Variants in TFAP2C observed in about 807,000 individuals in gnomAD.
TFAP2C encodes transcription factor AP-2 gamma.
Under a neutral mutation model 42.9 loss-of-function variants are expected in TFAP2C, and 9 were observed. That is an observed-to-expected ratio of 0.21 (90% CI 0.13 to 0.37). The LOEUF (loss-of-function observed/expected upper bound fraction) is 0.37. Among genes scored for constraint, TFAP2C ranks in the 10% least tolerant of loss-of-function variants. The pLI is 1.00. For missense variants in TFAP2C, 462 were observed against 591.7 expected (o/e 0.78, Z 2.27); for synonymous variants, 264 against 256.0 (o/e 1.03, Z -0.30).
At position 56,631,821 on chromosome 20, in the gene TFAP2C, A is replaced by C. The variant is rs771333191; in HGVS notation, c.551A>C (p.His184Pro). 3 of 1,614,192 alleles carry C rather than the reference A, an allele frequency of 1.9e-6. No individual in the cohort carries two copies. The highest frequency in any genetic ancestry group is 1.7e-6 in the Non-Finnish European group (2 of 1,180,034). Residue 184 changes from histidine (H) to proline (P), a missense_variant, in exon 3 of 7, where the codon CAC (histidine) becomes CCC (proline). His to Pro is a moderately conservative substitution (Grantham distance 77). Around this residue, in one of 5 missense-constraint regions of TFAP2C, gnomAD observed 271 missense variants for 269.7 expected, o/e 1.00. Coordinates refer to ENST00000201031, the MANE Select transcript of TFAP2C (RefSeq NM_003222.4). The surrounding 1 kb of genome is among the most constrained non-coding windows in gnomAD (Gnocchi z 6.1). ...CTCCCCCAGAATGTCGACGACCAGCACCTGTTGCTGCACGATCAGACAGTC... is the reference window on the plus strand; with the variant it reads ...CTCCCCCAGAATGTCGACGACCAGCCCCTGTTGCTGCACGATCAGACAGTC... ...MDEVQNVDDQHLLLHDQTVIR... is the reference protein window; with the variant it reads ...MDEVQNVDDQPLLLHDQTVIR...
rs1410818529 is a variant in TFAP2C, at chr20:56,631,579, T to G, written c.423T>G (p.Asp141Glu). 1.3e-6 allele frequency: 2 copies of G among 1,538,992 alleles called. No homozygotes were observed. Among genetic ancestry groups the G allele is most frequent in the African/African-American group, 2.8e-5 (2 of 72,276 alleles). ...CGGGCGCGGTGAGCGCCCGCAGGGA[T>G]GCCTACCGCCGCTCCGACCTGCTGC... ...LEAGAVSARR[D>E]AYRRSDLLLP... Residue 141 changes from aspartate to glutamate, a missense_variant, in exon 2 of 7, where the codon GAT becomes GAG. Transcript: ENST00000201031. The surrounding 1 kb of genome is among the most constrained non-coding windows in gnomAD (Gnocchi z 6.1).
Position 56,629,498 on chromosome 20 carries a change from G to A in TFAP2C, c.-47G>A, listed in dbSNP as rs756154538. 1.3e-5 allele frequency: 18 copies of A among 1,384,106 alleles called. No homozygotes were observed. In the East Asian group the frequency reaches 4.4e-4, roughly 34 times the overall value. 85.7% of individuals were successfully genotyped at this position (1,384,106 alleles called of 1,614,324 possible). A position where few individuals can be genotyped will look rare whatever the true frequency, so the allele number is the denominator to read the frequency against. ...TTGGATTTACCGCTTGGGGGCTGGG[G>A]GGATCCTGGATTTAACTGGCGACTG... On this transcript the variant is annotated 5_prime_UTR_variant, in exon 1 of 7. Coordinates refer to ENST00000201031, the MANE Select transcript of TFAP2C (RefSeq NM_003222.4). This position sits in a 1 kb window ranked among gnomAD's most constrained non-coding sequence, Gnocchi z 5.9.
chr20:56,635,917 T>TA (rs1987574794), intron 5 of TFAP2C, among the ~76,000 whole-genome samples: 1 of 152,226 alleles, frequency 6.6e-6, no homozygotes, highest in South Asian at 2.1e-4. Context: ...AAATAGTTGT[T>TA]ACATTGTATT....
rs1344415262 is a variant in TFAP2C at position 56,638,108 on chromosome 20, G to A, written c.*95G>A. ...GACTGGGAACCCCTCCTGGCCTGGG[G>A]GAAGAGTTTGTTACCTACCTTACTA... On this transcript the variant is annotated 3_prime_UTR_variant, in exon 7 of 7. Transcript: ENST00000201031. The A allele has an allele frequency of 8.6e-7, 1 of 1,167,488 alleles. No homozygotes were observed. The highest frequency in any genetic ancestry group is 1.6e-5 in the South Asian group (1 of 63,002). 72.3% of individuals were successfully genotyped at this position (1,167,488 alleles called of 1,614,324 possible). A position where few individuals can be genotyped will look rare whatever the true frequency, so the allele number is the denominator to read the frequency against.
Position 56,631,621 on chromosome 20 carries a change from C to A in TFAP2C, c.465C>A (p.Ala155=). Residue 155 remains alanine, a synonymous_variant, in exon 2 of 7, where the codon GCC becomes GCA. Coordinates refer to ENST00000201031, the MANE Select transcript of TFAP2C (RefSeq NM_003222.4). The surrounding 1 kb of genome is among the most constrained non-coding windows in gnomAD (Gnocchi z 6.1). ...ACCTGCTGCTGCCCCACGCACACGC[C>A]CTGGATGCCGCGGGCCTGGCCGAGA... The part of the protein sequence containing the change: ...RSDLLLPHAH[A]LDAAGLAENL... 1 of 1,573,538 alleles carries A rather than the reference C, an allele frequency of 6.4e-7. No individual in the cohort carries two copies. The highest frequency in any genetic ancestry group is 1.2e-5 in the South Asian group (1 of 86,712).
chr20:56,630,303 C>A lies in TFAP2C; in HGVS notation c.48+711C>A. The stretch of plus-strand genomic sequence containing the variant: ...GCGGGAGTTCACTGCGCCTCCGGGC[C>A]CTGGAGGGCTGCCCCTGCCCGCAGG... On this transcript the variant is annotated intron_variant, in intron 1 of 6. Transcript: ENST00000201031. This position sits in a 1 kb window ranked among gnomAD's most constrained non-coding sequence, Gnocchi z 5.1. 1 of 386,538 alleles carries A rather than the reference C, an allele frequency of 2.6e-6. No individual in the cohort carries two copies. The highest frequency in any genetic ancestry group is 5.3e-6 in the Non-Finnish European group (1 of 188,736). 23.9% of individuals were successfully genotyped at this position (386,538 alleles called of 1,614,324 possible). A position where few individuals can be genotyped will look rare whatever the true frequency, so the allele number is the denominator to read the frequency against.
Position 56,630,840 on chromosome 20 carries a change from C to A in TFAP2C, c.49-365C>A. On this transcript the variant is annotated intron_variant, in intron 1 of 6. Coordinates refer to ENST00000201031, the MANE Select transcript of TFAP2C (RefSeq NM_003222.4). The surrounding 1 kb of genome is among the most constrained non-coding windows in gnomAD (Gnocchi z 5.1). Reference sequence around the variant, plus strand: ...CTGCACCGGGCGTCCGGCTCCTTCGCCCCGGGCTCTGGCTCCTTCGCCCCG... The same window carrying A: ...CTGCACCGGGCGTCCGGCTCCTTCGACCCGGGCTCTGGCTCCTTCGCCCCG... 1 of 984,196 alleles carries A rather than the reference C, an allele frequency of 1.0e-6. No homozygotes were observed. The highest frequency in any genetic ancestry group is 1.2e-6 in the Non-Finnish European group (1 of 829,524). The allele number at this position is 984,196 out of a possible 1,614,324, so 61.0% of individuals were successfully genotyped here.
rs748910870 is a variant in TFAP2C at position 56,631,906 on chromosome 20, G to T, written c.586+50G>T. 1.9e-6 allele frequency: 3 copies of T among 1,608,786 alleles called. No individual in the cohort carries two copies. The highest frequency in any genetic ancestry group is 2.6e-6 in the Non-Finnish European group (3 of 1,175,290). ...AACTCTGGTCACACGATCTGGGCTT[G>T]TGAAGTTGACTGGCAAGGTTGGGGG... On this transcript the variant is annotated intron_variant, in intron 3 of 6. Coordinates refer to ENST00000201031, the MANE Select transcript of TFAP2C (RefSeq NM_003222.4). This position sits in a 1 kb window ranked among gnomAD's most constrained non-coding sequence, Gnocchi z 6.1.
rs758643291 is a variant in TFAP2C, at chr20:56,631,390, T to C, written c.234T>C (p.His78=). Residue 78 remains histidine, a synonymous_variant, in exon 2 of 7, where the codon CAT becomes CAC. Transcript: ENST00000201031. The surrounding 1 kb of genome is among the most constrained non-coding windows in gnomAD (Gnocchi z 6.1). ...AYSQSADPYS[H]LGEAYAAAIN... ...CCCAGTCGGCCGACCCCTACTCGCA[T>C]CTGGGGGAAGCGTACGCCGCCGCCA... is the stretch of plus-strand genomic sequence containing the variant. 1 of 1,610,386 alleles carries C rather than the reference T, an allele frequency of 6.2e-7. No homozygotes were observed. The highest frequency in any genetic ancestry group is 1.1e-5 in the South Asian group (1 of 90,372).
In TFAP2C at chr20:56,630,294, C is replaced by T; in HGVS notation, c.48+702C>T. On this transcript the variant is annotated intron_variant, in intron 1 of 6. Transcript: ENST00000201031. This position sits in a 1 kb window ranked among gnomAD's most constrained non-coding sequence, Gnocchi z 5.1. ...TACGGACTCGCGGGAGTTCACTGCG[C>T]CTCCGGGCCCTGGAGGGCTGCCCCT... is the stretch of plus-strand genomic sequence containing the variant. The T allele has an allele frequency of 2.7e-6, 1 of 364,074 alleles. No homozygotes were observed. The allele number at this position is 364,074 out of a possible 1,614,324, so 22.6% of individuals were successfully genotyped here. A position where few individuals can be genotyped will look rare whatever the true frequency, so the allele number is the denominator to read the frequency against.
chr20:56,636,591 C>T lies in TFAP2C; in HGVS notation c.923-19C>T. 2 of 1,602,096 alleles carry T rather than the reference C, an allele frequency of 1.2e-6. No homozygotes were observed. Among genetic ancestry groups the T allele is most frequent in the Non-Finnish European group, 1.7e-6 (2 of 1,175,736 alleles). Reference sequence around the variant, plus strand: ...TCAGTGACCACAGCCATCCTAAAAGCTGTTGCTGATTATTCTAGGTGAAGC... The same window carrying T: ...TCAGTGACCACAGCCATCCTAAAAGTTGTTGCTGATTATTCTAGGTGAAGC... On this transcript the variant is annotated intron_variant, in intron 5 of 6. Coordinates refer to ENST00000201031, the MANE Select transcript of TFAP2C (RefSeq NM_003222.4).
At position 56,631,471 on chromosome 20, in the gene TFAP2C, C is replaced by A. The variant is rs893906591; in HGVS notation, c.315C>A (p.Gly105=). ...GCAGCCAGCAGCAGGCCTGGCCCGG[C>A]CGCCAGAGCCAGGAGGGAGCGGGGC... ...PTGSQQQAWP[G]RQSQEGAGLP... Residue 105 remains glycine, a synonymous_variant, in exon 2 of 7, where the codon GGC becomes GGA. Coordinates refer to ENST00000201031, the MANE Select transcript of TFAP2C (RefSeq NM_003222.4). The surrounding 1 kb of genome is among the most constrained non-coding windows in gnomAD (Gnocchi z 6.1). 2.0e-6 allele frequency: 3 copies of A among 1,535,002 alleles called. No individual in the cohort carries two copies. The Admixed American group carries it at 6.1e-5, about 31-fold the overall frequency.
At chr20:56,634,373 A>G (rs1339757568) in intron 5 of TFAP2C, 105 bp downstream of exon 5, 3 of 775,894 alleles carry the variant, frequency 3.9e-6, no homozygotes, top group Non-Finnish European at 6.5e-6. Flanking sequence ...CTTGGTTGCA[A>G]GTAGAGATGA....
Position 56,631,517 on chromosome 20 carries a change from C to T in TFAP2C, c.361C>T (p.Pro121Ser). 1 of 1,504,856 alleles carries T rather than the reference C, an allele frequency of 6.6e-7. No homozygotes were observed. The highest frequency in any genetic ancestry group is 1.3e-5 in the South Asian group (1 of 78,468). The allele number at this position is 1,504,856 out of a possible 1,614,324, so 93.2% of individuals were successfully genotyped here. ...GGGGCTGCCCTCGCACCACGGGCGC[C>T]CGGCCGGCCTACTGCCCCACCTCTC... ...GAGLPSHHGR[P>S]AGLLPHLSGL... Residue 121 changes from proline (P) to serine (S), a missense_variant, in exon 2 of 7, where the codon CCG becomes TCG. Around this residue, in one of 5 missense-constraint regions of TFAP2C, gnomAD observed 271 missense variants for 269.7 expected, o/e 1.00. Coordinates refer to ENST00000201031, the MANE Select transcript of TFAP2C (RefSeq NM_003222.4). The surrounding 1 kb of genome is among the most constrained non-coding windows in gnomAD (Gnocchi z 6.1).
chr20:56,636,945 G>A (rs1011088044), intron 6 of TFAP2C, among the ~76,000 whole-genome samples, 191 bp downstream of exon 6: 1 of 152,208 alleles, frequency 6.6e-6, no homozygotes, highest in African/African-American at 2.4e-5. Flanking sequence ...TGATTTAGAA[G>A]AGTGCATGAC....
intron 5 of TFAP2C, 55 bp downstream of exon 5, chr20:56,634,323 T>A: frequency 7.8e-7 from 1 of 1,274,026 alleles, no homozygotes; most frequent in Non-Finnish European, 1.1e-6. Flanking sequence ...CCTGTGTCTT[T>A]AATACTTATT....
In TFAP2C at chr20:56,639,075, G is replaced by A. The variant is rs185256295; in HGVS notation, c.*1062G>A. 2 of 152,588 alleles carry A rather than the reference G, an allele frequency of 1.3e-5. No individual in the cohort carries two copies. 9.5% of individuals were successfully genotyped at this position (152,588 alleles called of 1,614,324 possible). A position where few individuals can be genotyped will look rare whatever the true frequency, so the allele number is the denominator to read the frequency against. ...GGATGCTGGGCTCTGTTCTTGGCTT[G>A]GAAGATTCTATTTAATTGAAACTCT... is the stretch of plus-strand genomic sequence containing the variant. On this transcript the variant is annotated 3_prime_UTR_variant, in exon 7 of 7. Transcript: ENST00000201031.
chr20:56,637,068 T>C (rs1380635459), intron 6 of TFAP2C, among the ~76,000 whole-genome samples: 3 of 152,230 alleles, frequency 2.0e-5, no homozygotes, highest in Admixed American at 2.0e-4. Flanking sequence ...CCGATTTGTT[T>C]TGTCACAACC....
intron 5 of TFAP2C, among the ~76,000 whole-genome samples, chr20:56,636,387 T>C (rs1217975409): frequency 6.6e-6 from 1 of 152,022 alleles, no homozygotes; most frequent in East Asian, 1.9e-4. Flanking sequence ...ATTAGCTGGG[T>C]ATGGTGGTGC....
Sources: allele counts gnomAD v4.1 joint callset (sites outside exome capture counted in the v4.1 genomes callset), GRCh38; gene constraint gnomAD v4.1.1; regional missense constraint gnomAD v4.1.1; non-coding constraint Gnocchi (gnomAD v3.1); transcripts MANE v1.5; gene names NCBI Gene and HGNC (gene_info 2026-07-23, HGNC 2026-07-21).